ARHGAP22: variants seen among roughly 807,000 people sequenced by gnomAD.
ARHGAP22 encodes the protein rho GTPase-activating protein 22.
ARHGAP22 carries 48 observed loss-of-function variants against 59.1 expected under a neutral mutation model. The observed-to-expected ratio is 0.81, with a 90% confidence interval of 0.64 to 1.03. ARHGAP22 has a LOEUF of 1.03. ARHGAP22 is among the 50% of genes least tolerant of loss of function. The pLI is 0.00. For missense variants in ARHGAP22, 1,015 were observed against 958.7 expected (o/e 1.06, Z -0.78); for synonymous variants, 445 against 416.4 (o/e 1.07, Z -0.84).
chr10:48,597,075 C>G (rs1018395891), intron 1 of ARHGAP22, among the ~76,000 whole-genome samples: 2 of 152,194 alleles, frequency 1.3e-5, no homozygotes, highest in Admixed American at 6.5e-5. Context: ...CTCTGGTAGG[C>G]TCTCAACGCA....
chr10:48,552,603 A>G (rs1174723979), intron 3 of ARHGAP22, among the ~76,000 whole-genome samples: 1 of 152,190 alleles, frequency 6.6e-6, no homozygotes. Context: ...TGCTCAGCCT[A>G]GTGAGGATAA....
intron 3 of ARHGAP22, among the ~76,000 whole-genome samples, chr10:48,499,826 C>G (rs769424581): frequency 6.6e-6 from 1 of 152,144 alleles, no homozygotes; most frequent in Non-Finnish European, 1.5e-5. Flanking sequence ...TTAGGAGAAA[C>G]AGAAATGCAT....
At chr10:48,469,325 T>A (rs2048012896) in intron 4 of ARHGAP22, among the ~76,000 whole-genome samples, 1 of 152,160 alleles carries the variant, frequency 6.6e-6, no homozygotes, top group Admixed American at 6.5e-5. Context: ...GTGGGGCCTG[T>A]TGGGGATGGG....
At chr10:48,448,326 T>C (rs991094296) in intron 9 of ARHGAP22, among the ~76,000 whole-genome samples, 3 of 152,224 alleles carry the variant, frequency 2.0e-5, no homozygotes, top group African/African-American at 7.2e-5. Flanking sequence ...TGCTGCTCTA[T>C]GTTCCCCTCC....
chr10:48,639,651 G>T (rs1469840274), intron 1 of ARHGAP22, among the ~76,000 whole-genome samples: 1 of 152,202 alleles, frequency 6.6e-6, no homozygotes, highest in Non-Finnish European at 1.5e-5. Flanking sequence ...GATATTAGTG[G>T]CTATGTTCTG....
intron 3 of ARHGAP22, chr10:48,524,282 G>GCCGGCCTC (rs1026764456): frequency 1.6e-4 from 31 of 189,376 alleles, no homozygotes; most frequent in Admixed American, 1.4e-3. Flanking sequence ...CAGCGGGCAT[G>GCCGGCCTC]CCGGCCTCCG....
intron 3 of ARHGAP22, among the ~76,000 whole-genome samples, chr10:48,530,110 A>T (rs2054681719): frequency 6.6e-6 from 1 of 151,984 alleles, no homozygotes; most frequent in African/African-American, 2.4e-5. Context: ...GGTGGTGGTC[A>T]TCTGTATTCC....
At chr10:48,538,263 C>T (rs1274036381) in intron 3 of ARHGAP22, among the ~76,000 whole-genome samples, 1 of 152,190 alleles carries the variant, frequency 6.6e-6, no homozygotes, top group African/African-American at 2.4e-5. Flanking sequence ...CCCTCTGTGT[C>T]TCTGTGCATC....
At chr10:48,460,631 C>A (rs1388874187) in intron 4 of ARHGAP22, among the ~76,000 whole-genome samples, 1 of 152,194 alleles carries the variant, frequency 6.6e-6, no homozygotes, top group Non-Finnish European at 1.5e-5. Flanking sequence ...TGGGTATATA[C>A]CTAAAAGAAT....
intron 1 of ARHGAP22, among the ~76,000 whole-genome samples, chr10:48,627,359 C>T (rs997414729): frequency 7.9e-5 from 12 of 152,158 alleles, no homozygotes; most frequent in African/African-American, 2.9e-4. Context: ...TCTTGTGGGA[C>T]GGAGCCCTAA....
intron 5 of ARHGAP22, among the ~76,000 whole-genome samples, chr10:48,457,332 G>A (rs747788602): frequency 2.0e-5 from 3 of 152,128 alleles, no homozygotes; most frequent in African/African-American, 7.2e-5. Flanking sequence ...CTGGGTGTCC[G>A]CAGGGCTCCT....
At chr10:48,592,525 G>A (rs567415783) in intron 1 of ARHGAP22, among the ~76,000 whole-genome samples, 10 of 152,124 alleles carry the variant, frequency 6.6e-5, no homozygotes, top group African/African-American at 1.9e-4. Context: ...ATACTCCCCC[G>A]CTTCTCCCCT....
intron 1 of ARHGAP22, among the ~76,000 whole-genome samples, chr10:48,642,216 T>G (rs191770024): frequency 0.05 from 7,553 of 152,254 alleles, 544 homozygotes; most frequent in African/African-American, 0.17. Flanking sequence ...ATGACTTTCT[T>G]CACAGAACTG....
chr10:48,454,033 G>C (rs184888310), intron 7 of ARHGAP22, 55 bp downstream of exon 7: 488 of 1,550,762 alleles, frequency 3.1e-4, no homozygotes, highest in Non-Finnish European at 4.0e-4. Flanking sequence ...TGTGGGGTTG[G>C]GGGAGCGTGG....
intron 2 of ARHGAP22, among the ~76,000 whole-genome samples, chr10:48,576,513 A>C (rs1232626164): frequency 6.6e-6 from 1 of 152,262 alleles, no homozygotes; most frequent in Non-Finnish European, 1.5e-5. Flanking sequence ...TGACCCTGTT[A>C]CCAACTCACT....
chr10:48,632,352 A>G (rs1249678926), intron 1 of ARHGAP22, among the ~76,000 whole-genome samples: 7 of 152,208 alleles, frequency 4.6e-5, no homozygotes. Flanking sequence ...TAGTTATGCA[A>G]TCCTATGTTG....
At chr10:48,555,400 C>T in intron 3 of ARHGAP22, 63 bp downstream of exon 3, 1 of 1,536,126 alleles carries the variant, frequency 6.5e-7, no homozygotes, top group Non-Finnish European at 9.0e-7. Flanking sequence ...TCTGCCCTTC[C>T]CAGGCCAGGG....
At chr10:48,643,572 G>A (rs1363972830) in intron 1 of ARHGAP22, among the ~76,000 whole-genome samples, 1 of 149,624 alleles carries the variant, frequency 6.7e-6, no homozygotes, top group Non-Finnish European at 1.5e-5. Flanking sequence ...TTGGACACAC[G>A]AAGGGGAACA....
chr10:48,647,470 G>A (rs1403714192), intron 1 of ARHGAP22, among the ~76,000 whole-genome samples: 2 of 152,168 alleles, frequency 1.3e-5, no homozygotes, highest in African/African-American at 2.4e-5. Flanking sequence ...CATCATTAAT[G>A]GTTAAGCAAA....
Sources: gnomAD v4.1 joint callset for allele counts (sites outside exome capture counted in the v4.1 genomes callset) on GRCh38, gnomAD v4.1.1 for gene constraint, MANE v1.5 for transcripts, NCBI Gene and HGNC (gene_info 2026-07-23, HGNC 2026-07-21) for gene names.